PTPRT: variants seen among roughly 807,000 people sequenced by gnomAD.
PTPRT encodes protein tyrosine phosphatase receptor type T.
In PTPRT, 56 loss-of-function variants were observed where a neutral mutation model predicts 176.8. The ratio of observed to expected loss-of-function variants is 0.32; its 90% CI spans 0.26 to 0.40. PTPRT has a LOEUF of 0.40. PTPRT is among the 10% of genes least tolerant of loss of function. The probability of loss-of-function intolerance (pLI) is 1.00; values close to 1 mark genes in which losing one functional copy is unlikely to be tolerated. For missense variants in PTPRT, 1,540 were observed against 1,908.2 expected (o/e 0.81, Z 3.60); for synonymous variants, 783 against 739.0 (o/e 1.06, Z -0.96).
chr20:42,268,994 C>T (rs1014590745), intron 13 of PTPRT, among the ~76,000 whole-genome samples: 10 of 152,188 alleles, frequency 6.6e-5, no homozygotes, highest in African/African-American at 2.2e-4. Flanking sequence ...TGGCAGCCCA[C>T]AGCCAGTGGC....
At chr20:42,175,237 A>G (rs145793391) in intron 16 of PTPRT, among the ~76,000 whole-genome samples, 1 of 152,118 alleles carries the variant, frequency 6.6e-6, no homozygotes, top group Middle Eastern at 3.2e-3. Context: ...ATATGGCTTC[A>G]AGGCTATGAT....
chr20:42,208,146 T>C lies in PTPRT; in HGVS notation c.2343-8758A>G, dbSNP rs964707934. ...CTAAAAGAGCTCCTGAAGGAAGCGC[T>C]AAACATGGAAAGGAGCAACCGGTAC... On this transcript the variant is annotated intron_variant, in intron 15 of 30. Coordinates refer to ENST00000373187, the MANE Select transcript of PTPRT (RefSeq NM_007050.6). Among the ~76,000 whole-genome samples, 3 of 125,458 alleles carry C rather than the reference T, an allele frequency of 2.4e-5. No individual in the cohort carries two copies. In the Admixed American group the frequency reaches 2.4e-4, roughly 10 times the overall value. The allele number at this position is 125,458 out of a possible 152,430, so 82.3% of individuals were successfully genotyped here. A position where few individuals can be genotyped will look rare whatever the true frequency, so the allele number is the denominator to read the frequency against.
chr20:42,343,049 C>T (rs1444348821), intron 11 of PTPRT, among the ~76,000 whole-genome samples: 1 of 152,124 alleles, frequency 6.6e-6, no homozygotes, highest in East Asian at 1.9e-4. Flanking sequence ...ACCCCTGGTC[C>T]TCCAGGCTAG....
In PTPRT at chr20:43,071,749, C is replaced by T. The variant is rs1019627281; in HGVS notation, c.88+117897G>A. 3.3e-5 allele frequency among the ~76,000 whole-genome samples: 5 copies of T among 152,246 alleles called. No homozygotes were observed. In the East Asian group the frequency reaches 9.6e-4, roughly 29 times the overall value. ...GCAGTGAGCCAAGATCGTGCCATTG[C>T]ACTCCAGCCTGGGCAACAAGAGCAA... On this transcript the variant is annotated intron_variant, in intron 1 of 30. Transcript: ENST00000373187.
intron 16 of PTPRT, among the ~76,000 whole-genome samples, chr20:42,185,138 TATC>T (rs1179151874): frequency 3.3e-5 from 5 of 152,126 alleles, no homozygotes; most frequent in Non-Finnish European, 5.9e-5. Context: ...AAAAGCCAGG[TATC>T]CATGACCACA....
At chr20:42,783,479 T>C (rs2077244200) in intron 3 of PTPRT, among the ~76,000 whole-genome samples, 1 of 152,088 alleles carries the variant, frequency 6.6e-6, no homozygotes, top group Non-Finnish European at 1.5e-5. Flanking sequence ...TGAATGTAAT[T>C]GTGTAAAATG....
intron 15 of PTPRT, among the ~76,000 whole-genome samples, chr20:42,207,256 C>A (rs371030940): frequency 6.6e-6 from 1 of 152,224 alleles, no homozygotes; most frequent in Admixed American, 6.5e-5. Flanking sequence ...CAAAGGAACA[C>A]AGTTCGTCAC....
At chr20:42,690,775 T>C (rs879531207) in intron 6 of PTPRT, among the ~76,000 whole-genome samples, 1 of 152,230 alleles carries the variant, frequency 6.6e-6, no homozygotes, top group Non-Finnish European at 1.5e-5. Flanking sequence ...TTGCAATCTC[T>C]ATTATTTAAT....
At chr20:43,129,390 C>T (rs1572927) in intron 1 of PTPRT, among the ~76,000 whole-genome samples, 143,844 of 152,262 alleles carry the variant, frequency 0.94, 68,475 homozygotes, top group East Asian at 1. Flanking sequence ...GGGCTGCATC[C>T]GTGAAGAGGG....
intron 14 of PTPRT, among the ~76,000 whole-genome samples, chr20:42,239,514 C>T (rs2056312003): frequency 6.6e-6 from 1 of 151,092 alleles, no homozygotes; most frequent in Non-Finnish European, 1.5e-5. Context: ...GCTCCACCTC[C>T]CGGGTCCACG....
intron 12 of PTPRT, among the ~76,000 whole-genome samples, chr20:42,284,369 C>G (rs1295786325): frequency 6.6e-6 from 1 of 152,002 alleles, no homozygotes; most frequent in Non-Finnish European, 1.5e-5. Context: ...AACCCAAGTA[C>G]AGAGTCATAT....
At chr20:43,014,790 G>A (rs577075862) in intron 1 of PTPRT, among the ~76,000 whole-genome samples, 1 of 152,312 alleles carries the variant, frequency 6.6e-6, no homozygotes, top group African/African-American at 2.4e-5. Context: ...AAGGGTAAAA[G>A]AGGATTCATT....
intron 6 of PTPRT, among the ~76,000 whole-genome samples, chr20:42,731,201 G>A (rs891414998): frequency 6.6e-6 from 1 of 152,168 alleles, no homozygotes; most frequent in African/African-American, 2.4e-5. Context: ...CGAGCCAGCT[G>A]CAAGATTTCC....
intron 5 of PTPRT, among the ~76,000 whole-genome samples, chr20:42,758,849 A>T (rs1250127825): frequency 6.6e-6 from 1 of 152,242 alleles, no homozygotes; most frequent in African/African-American, 2.4e-5. Flanking sequence ...TTGCCCGAAT[A>T]AAAACCAGTA....
chr20:42,879,753 G>GTGTGCGCGTGTGTGTGTGTGTGTGTT (rs2078987230), intron 2 of PTPRT, among the ~76,000 whole-genome samples: 1 of 145,776 alleles, frequency 6.9e-6, no homozygotes, highest in East Asian at 1.9e-4. Flanking sequence ...GTGTGTGTGT[G>GTGTGCGCGTGTGTGTGTGTGTGTGTT]TGTGCGCGTG....
At chr20:42,788,481 T>A (rs1368150193) in intron 3 of PTPRT, among the ~76,000 whole-genome samples, 2 of 152,134 alleles carry the variant, frequency 1.3e-5, no homozygotes, top group East Asian at 1.9e-4. Flanking sequence ...TGGTCACCCA[T>A]GGGCAGGCCA....
chr20:43,007,827 C>T (rs1255870353), intron 1 of PTPRT, among the ~76,000 whole-genome samples: 1 of 152,218 alleles, frequency 6.6e-6, no homozygotes, highest in Non-Finnish European at 1.5e-5. Context: ...ATACTTCAGG[C>T]ATTATCTGCA....
intron 2 of PTPRT, among the ~76,000 whole-genome samples, chr20:42,882,293 G>C (rs1432864873): frequency 6.6e-6 from 1 of 152,184 alleles, no homozygotes; most frequent in Non-Finnish European, 1.5e-5. Context: ...GGCGCATCAT[G>C]ACAGAATAAT....
chr20:42,756,582 G>T lies in PTPRT; in HGVS notation c.739C>A (p.Arg247Ser). ...GCCACACTGACTGTGGCTGAGAAGC[G>T]CCTGTGGTTGACCACACGGGTGACC... ...LMVTRVVNHR[R>S]FSATVSVADT... Residue 247 changes from arginine to serine, a missense_variant, in exon 6 of 31, where the codon CGC becomes AGC. By Grantham distance (110) the Arg-to-Ser change is moderately radical (BLOSUM62 -1). This residue lies in a region of PTPRT where 273 missense variants were observed against 432.1 expected (regional missense o/e 0.63). Transcript: ENST00000373187. 1.2e-6 allele frequency: 2 copies of T among 1,611,862 alleles called. No individual in the cohort carries two copies. The highest frequency in any genetic ancestry group is 8.5e-7 in the Non-Finnish European group (1 of 1,178,490).
Sources: gnomAD v4.1 joint callset for allele counts (sites outside exome capture counted in the v4.1 genomes callset) on GRCh38, gnomAD v4.1.1 for gene constraint, gnomAD v4.1.1 regional missense constraint, MANE v1.5 for transcripts, NCBI Gene and HGNC (gene_info 2026-07-23, HGNC 2026-07-21) for gene names.